The following UXS1 variants were observed in gnomAD, a reference collection of about 807,000 sequenced individuals.
The protein encoded by UXS1 is UDP-glucuronate decarboxylase 1, also known as UDP-glucuronic acid decarboxylase 1.
In UXS1, 33 loss-of-function variants were observed where a neutral mutation model predicts 62.6. The observed-to-expected ratio is 0.53, with a 90% CI of 0.40 to 0.70. The LOEUF is 0.70. Among genes scored for constraint, UXS1 ranks in the 30% least tolerant of loss-of-function variants. UXS1 has a pLI of 0.00. For missense variants in UXS1, 434 were observed against 556.3 expected, an observed-to-expected ratio of 0.78 and a Z score of 2.21; for synonymous variants, 213 against 206.8, an observed-to-expected ratio of 1.03 and a Z score of -0.26.
chr2:106,178,934 T>C (rs1684074462), intron 1 of UXS1, among the ~76,000 whole-genome samples: 1 of 152,226 alleles, frequency 6.6e-6, no homozygotes, highest in East Asian at 1.9e-4. Flanking sequence ...TAATGGGCCT[T>C]TTCTCTAACG....
chr2:106,181,837 G>A (rs940439394), intron 1 of UXS1, among the ~76,000 whole-genome samples: 1 of 152,188 alleles, frequency 6.6e-6, no homozygotes, highest in Non-Finnish European at 1.5e-5. Context: ...GAGTGCTAAC[G>A]CTGGGATCCA....
chr2:106,107,579 C>A (rs1678192329), intron 10 of UXS1, among the ~76,000 whole-genome samples: 2 of 152,206 alleles, frequency 1.3e-5, no homozygotes, highest in South Asian at 4.1e-4. Context: ...GGTACCTGCT[C>A]AACCAAACAA....
chr2:106,118,323 G>T (rs1679229793), intron 9 of UXS1, among the ~76,000 whole-genome samples: 1 of 151,904 alleles, frequency 6.6e-6, no homozygotes, highest in Admixed American at 6.6e-5. Flanking sequence ...ATACCTTCAG[G>T]GCCATTAGAC....
At chr2:106,176,598 GA>G (rs1683896227) in intron 1 of UXS1, among the ~76,000 whole-genome samples, 1 of 152,312 alleles carries the variant, frequency 6.6e-6, no homozygotes, top group African/African-American at 2.4e-5. Context: ...GCCTACTCCT[GA>G]ACCTGAAGGA....
At chr2:106,161,721 T>C (rs1275062679) in intron 4 of UXS1, among the ~76,000 whole-genome samples, 1 of 152,190 alleles carries the variant, frequency 6.6e-6, no homozygotes, top group Non-Finnish European at 1.5e-5. Flanking sequence ...TGCCATCTAT[T>C]CAAAGAACAT....
At chr2:106,119,889 T>C (rs557862877) in intron 9 of UXS1, among the ~76,000 whole-genome samples, 28 of 152,334 alleles carry the variant, frequency 1.8e-4, no homozygotes, top group Admixed American at 1.2e-3. Context: ...TTCCCCCTTA[T>C]GTTTGTCTCT....
In UXS1 at chr2:106,177,898, G is replaced by A. The variant is rs544150722; in HGVS notation, c.95-11815C>T. ...ATCTGGCCTTAGCAAGGTTCCAGGT[G>A]TTGCTGACGTGACCCAAATCTGAGA... On this transcript the variant is annotated intron_variant, in intron 1 of 14. Transcript: ENST00000283148. 2.6e-5 allele frequency among the ~76,000 whole-genome samples: 4 copies of A among 152,334 alleles called. No individual in the cohort carries two copies. The South Asian group carries it at 8.3e-4, about 32-fold the overall frequency.
chr2:106,102,436 G>A (rs754166519), intron 11 of UXS1: 8 of 152,174 alleles, frequency 5.3e-5, no homozygotes, highest in Non-Finnish European at 5.9e-5. Context: ...GGAGAGCCAT[G>A]GGCCTTTTAC....
intron 8 of UXS1, 123 bp from the exon 9 acceptor site, chr2:106,123,214 A>G: frequency 7.2e-7 from 1 of 1,394,628 alleles, no homozygotes; most frequent in Non-Finnish European, 9.6e-7. Flanking sequence ...GAGATGTATT[A>G]AAGAGGCAAC....
chr2:106,194,301 CGCG>C (rs1242896070), upstream of UXS1: 990 of 981,518 alleles, frequency 1.0e-3, no homozygotes, highest in Middle Eastern at 1.3e-3. Flanking sequence ...CTGCACAATG[CGCG>C]GCGGCGGCGG....
intron 7 of UXS1, among the ~76,000 whole-genome samples, chr2:106,129,454 G>C (rs921021878): frequency 5.3e-5 from 8 of 152,210 alleles, no homozygotes; most frequent in African/African-American, 1.9e-4. Context: ...TACAATGCAT[G>C]AAAAGTTAAG....
At chr2:106,107,060 C>T (rs1343342878) in intron 10 of UXS1, among the ~76,000 whole-genome samples, 4 of 152,062 alleles carry the variant, frequency 2.6e-5, no homozygotes, top group East Asian at 1.9e-4. Flanking sequence ...TAGTGAGTAT[C>T]GGATTTAGGC....
chr2:106,122,924 G>C lies in UXS1; in HGVS notation c.759+46C>G, dbSNP rs930863370. 6.9e-6 allele frequency: 11 copies of C among 1,605,212 alleles called. No individual in the cohort carries two copies. In the Admixed American group the frequency reaches 1.3e-4, roughly 20 times the overall value. ...TACAACACTTTACATCTGAGGTCAGGGTGCTCAGCACGCCTAAACCGCAAG... is the reference window on the plus strand; with the variant it reads ...TACAACACTTTACATCTGAGGTCAGCGTGCTCAGCACGCCTAAACCGCAAG... On this transcript the variant is annotated intron_variant, in intron 9 of 14. Transcript: ENST00000283148.
intron 1 of UXS1, among the ~76,000 whole-genome samples, chr2:106,181,447 G>A (rs530444353): frequency 1.3e-5 from 2 of 152,294 alleles, no homozygotes; most frequent in East Asian, 3.9e-4. Context: ...AGCGGGGCGT[G>A]GTGGCTCACA....
intron 6 of UXS1, among the ~76,000 whole-genome samples, chr2:106,139,143 T>C (rs187175828): frequency 6.6e-6 from 1 of 151,926 alleles, no homozygotes; most frequent in African/African-American, 2.4e-5. Context: ...CGTTCCAAAA[T>C]CCAAGCTGAG....
rs1426281782 is a variant in UXS1 at position 106,108,630 on chromosome 2, C to T, written c.880-3793G>A. On this transcript the variant is annotated intron_variant, in intron 10 of 14. Transcript: ENST00000283148. ...AGAACAGGAGAGATGCCAGGAGATT[C>T]GTGCAAGAGTCAAGGCTGCTACTGG... Among the ~76,000 whole-genome samples the T allele has an allele frequency of 3.3e-5, 5 of 152,098 alleles. No homozygotes were observed. The South Asian group carries it at 6.2e-4, about 19-fold the overall frequency.
At chr2:106,109,682 A>C (rs1678418630) in intron 10 of UXS1, among the ~76,000 whole-genome samples, 1 of 152,172 alleles carries the variant, frequency 6.6e-6, no homozygotes, top group African/African-American at 2.4e-5. Flanking sequence ...ATTCCACTTA[A>C]AATATAGCTT....
At chr2:106,112,857 T>C (rs1230591974) in intron 9 of UXS1, 92 bp from the exon 10 acceptor site, 3 of 1,488,966 alleles carry the variant, frequency 2.0e-6, no homozygotes, top group Admixed American at 2.3e-5. Context: ...CAATGCAGAA[T>C]GGAAACGTTC....
chr2:106,127,875 T>C (rs2889640), intron 7 of UXS1, among the ~76,000 whole-genome samples: 147,447 of 152,286 alleles, frequency 0.97, 71,535 homozygotes, highest in South Asian at 1. Context: ...GCTCGAGTCA[T>C]TTTTGCCTTT....
Sources: allele counts gnomAD v4.1 joint callset (sites outside exome capture counted in the v4.1 genomes callset), GRCh38; gene constraint gnomAD v4.1.1; transcripts MANE v1.5; gene names NCBI Gene and HGNC (gene_info 2026-07-23, HGNC 2026-07-21).